Variants in SYTL3 observed in about 807,000 individuals in gnomAD.
SYTL3 encodes synaptotagmin-like protein 3.
Under a neutral mutation model 82.1 loss-of-function variants are expected in SYTL3, and 88 were observed. The observed-to-expected ratio is 1.07, with a 90% confidence interval of 0.90 to 1.28. The LOEUF (loss-of-function observed/expected upper bound fraction) is 1.28. Among genes scored for constraint, SYTL3 ranks in the 50% most tolerant of loss-of-function variants. SYTL3 has a pLI of 0.00. For synonymous variants in SYTL3, 311 were observed against 289.4 expected (o/e 1.07, Z -0.76); for missense variants, 831 against 757.6 (o/e 1.10, Z -1.14).
intron 8 of SYTL3, among the ~76,000 whole-genome samples, chr6:158,708,629 C>T (rs1019054913): frequency 1.3e-5 from 2 of 152,190 alleles, no homozygotes; most frequent in African/African-American, 2.4e-5. Flanking sequence ...TGCCTGCACC[C>T]GAGGTCTCTT....
intron 5 of SYTL3, among the ~76,000 whole-genome samples, chr6:158,678,921 T>G (rs1778353148): frequency 6.6e-6 from 1 of 152,238 alleles, no homozygotes; most frequent in African/African-American, 2.4e-5. Flanking sequence ...TTTCATAACC[T>G]CATTCTGATT....
chr6:158,762,034 C>T, intron 15 of SYTL3, 42 bp from the exon 16 acceptor site: 1 of 1,446,942 alleles, frequency 6.9e-7, no homozygotes, highest in Non-Finnish European at 9.7e-7. Context: ...ACTAACGTAT[C>T]AGGAGACATG....
Position 158,762,190 on chromosome 6 carries a change from A to T in SYTL3, c.1517+12A>T. On this transcript the variant is annotated intron_variant, in intron 16 of 17. Transcript: ENST00000611299. ...TCATTTGTTAAGGGGTAGGTATTCG[A>T]TGTAATCAAATATTTATTGGTGATC... is the stretch of plus-strand genomic sequence containing the variant. 1 of 1,583,216 alleles carries T rather than the reference A, an allele frequency of 6.3e-7. No individual in the cohort carries two copies. The highest frequency in any genetic ancestry group is 1.1e-5 in the South Asian group (1 of 90,304).
intron 11 of SYTL3, 182 bp downstream of exon 11, chr6:158,725,819 C>A: frequency 3.5e-6 from 3 of 855,290 alleles, no homozygotes; most frequent in Non-Finnish European, 5.6e-6. Flanking sequence ...AGTAAAGTTG[C>A]GTTATCCTCA....
chr6:158,700,915 C>T (rs1299502872), intron 6 of SYTL3, among the ~76,000 whole-genome samples: 4 of 152,196 alleles, frequency 2.6e-5, no homozygotes, highest in African/African-American at 9.7e-5. Flanking sequence ...CGCACCTGGC[C>T]TGTTGTATTT....
upstream of SYTL3, among the ~76,000 whole-genome samples, chr6:158,648,604 A>T (rs868513687): frequency 0.022 from 3,084 of 137,352 alleles, 63 homozygotes; most frequent in African/African-American, 0.059. Flanking sequence ...AAAAAAAAAA[A>T]AAAAATAATA....
intron 6 of SYTL3, among the ~76,000 whole-genome samples, chr6:158,702,536 C>T (rs538288787): frequency 3.3e-5 from 5 of 150,766 alleles, no homozygotes; most frequent in Admixed American, 6.6e-5. Context: ...AGTAAAACCC[C>T]GTCTCAAAAA....
chr6:158,758,180 A>C (rs776615339), intron 14 of SYTL3, among the ~76,000 whole-genome samples: 1 of 151,982 alleles, frequency 6.6e-6, no homozygotes, highest in Non-Finnish European at 1.5e-5. Flanking sequence ...GTGGCTCTTG[A>C]CTGTAATCCC....
At chr6:158,673,596 T>C (rs1221216043) in intron 5 of SYTL3, among the ~76,000 whole-genome samples, 1 of 151,354 alleles carries the variant, frequency 6.6e-6, no homozygotes, top group Non-Finnish European at 1.5e-5. Flanking sequence ...CTGGCCACCA[T>C]GCCCCCCTAA....
At chr6:158,651,626 C>T (rs1450274850) in intron 1 of SYTL3, 127 bp from the exon 2 acceptor site, 1 of 151,768 alleles carries the variant, frequency 6.6e-6, no homozygotes, top group East Asian at 1.9e-4. Context: ...TATTAATTCT[C>T]ATTTCTTTGC....
At chr6:158,691,792 C>T (rs908204909) in intron 6 of SYTL3, among the ~76,000 whole-genome samples, 4 of 151,206 alleles carry the variant, frequency 2.6e-5, no homozygotes, top group Admixed American at 1.3e-4. Flanking sequence ...GCTGGGACTA[C>T]GGGCACCTGT....
chr6:158,707,257 T>TC lies in SYTL3; in HGVS notation c.423dup (p.Gln143AlafsTer38). ...AAACATGAGACAGTTGGAGGGCAGC[T>TC]CTTGCAATCTTATCAGAAGCTGAGG... is the stretch of plus-strand genomic sequence containing the variant. On this transcript the variant is annotated frameshift_variant, in exon 7 of 18. Transcript: ENST00000611299. LOFTEE classifies it high-confidence loss of function. The TC allele has an allele frequency of 6.2e-7, 1 of 1,613,970 alleles. No individual in the cohort carries two copies. The highest frequency in any genetic ancestry group is 1.1e-5 in the South Asian group (1 of 91,088).
chr6:158,655,496 T>C (rs1431013916), intron 2 of SYTL3, among the ~76,000 whole-genome samples: 2 of 152,172 alleles, frequency 1.3e-5, no homozygotes, highest in Admixed American at 6.5e-5. Flanking sequence ...ACCATCGAAA[T>C]ATACAAATTA....
chr6:158,764,407 T>C, intron 17 of SYTL3, 88 bp from the exon 18 acceptor site: 1 of 1,012,906 alleles, frequency 9.9e-7, no homozygotes, highest in South Asian at 1.4e-5. Context: ...GGTGAAAAAC[T>C]TCTGGCTGGT....
rs1790488811 is a variant in SYTL3 at position 158,764,419 on chromosome 6, A to G, written c.1724-76A>G. On this transcript the variant is annotated intron_variant, in intron 17 of 17. Coordinates refer to ENST00000611299, the MANE Select transcript of SYTL3 (RefSeq NM_001242394.2). ...TGAGGTGAAAAACTTCTGGCTGGTC[A>G]TCATTTTTAAAGGGATGAGAGGGGA... 1.3e-5 allele frequency: 15 copies of G among 1,146,150 alleles called. No individual in the cohort carries two copies. In the South Asian group the frequency reaches 1.8e-4, roughly 14 times the overall value. 71.0% of individuals were successfully genotyped at this position (1,146,150 alleles called of 1,614,324 possible).
At chr6:158,693,681 CCTTT>C (rs1364748377) in intron 6 of SYTL3, among the ~76,000 whole-genome samples, 3 of 145,248 alleles carry the variant, frequency 2.1e-5, no homozygotes, top group East Asian at 3.9e-4. Context: ...CTGAATCCAG[CCTTT>C]CTTTCTTTTC....
At chr6:158,713,050 G>A (rs1006643126) in intron 8 of SYTL3, among the ~76,000 whole-genome samples, 10 of 152,198 alleles carry the variant, frequency 6.6e-5, no homozygotes, top group Middle Eastern at 3.4e-3. Context: ...GTGAGCCACC[G>A]CGCCTGGCCT....
At chr6:158,703,555 C>A (rs541084045) in intron 6 of SYTL3, among the ~76,000 whole-genome samples, 1 of 152,310 alleles carries the variant, frequency 6.6e-6, no homozygotes, top group African/African-American at 2.4e-5. Flanking sequence ...AGTGAAATGA[C>A]AGTCAACAGT....
chr6:158,707,413 CT>C, intron 7 of SYTL3, 132 bp downstream of exon 7: 1 of 636,432 alleles, frequency 1.6e-6, no homozygotes, highest in South Asian at 2.2e-5. Flanking sequence ...TTTTTTTTTT[CT>C]TTTAAAGATA....
Sources: allele counts gnomAD v4.1 joint callset (sites outside exome capture counted in the v4.1 genomes callset), GRCh38; gene constraint gnomAD v4.1.1; transcripts MANE v1.5; gene names NCBI Gene and HGNC (gene_info 2026-07-23, HGNC 2026-07-21).